FTO: variants seen among roughly 807,000 people sequenced by gnomAD.
The protein encoded by FTO is FTO alpha-ketoglutarate dependent dioxygenase, also known as alpha-ketoglutarate-dependent dioxygenase FTO.
A neutral mutation model predicts 63.9 loss-of-function variants in FTO; 47 were observed. The ratio of observed to expected loss-of-function variants is 0.74; its 90% CI spans 0.58 to 0.94. The LOEUF (loss-of-function observed/expected upper bound fraction) is 0.94, where lower values mean the gene tolerates loss of function less well. Among genes scored for constraint, FTO ranks in the 40% least tolerant of loss-of-function variants. The pLI is 0.00. For missense variants in FTO, 562 were observed against 618.1 expected, an observed-to-expected ratio of 0.91 and a Z score of 0.96; for synonymous variants, 207 against 224.4, an observed-to-expected ratio of 0.92 and a Z score of 0.69.
intron 8 of FTO, among the ~76,000 whole-genome samples, chr16:53,989,948 G>A (rs1313230686): frequency 3.9e-5 from 6 of 151,972 alleles, no homozygotes; most frequent in South Asian, 2.1e-4. Context: ...TCTCTTCTTC[G>A]TGATTTTCTT....
At chr16:54,055,213 G>T (rs147284101) in intron 8 of FTO, among the ~76,000 whole-genome samples, 1 of 152,200 alleles carries the variant, frequency 6.6e-6, no homozygotes, top group African/African-American at 2.4e-5. Flanking sequence ...GTCTTGCTCT[G>T]TTTGGAGTAG....
chr16:53,820,748 G>A (rs1403966345), intron 2 of FTO, among the ~76,000 whole-genome samples: 7 of 151,580 alleles, frequency 4.6e-5, no homozygotes, highest in Non-Finnish European at 8.8e-5. Context: ...TTGTTCTTGC[G>A]ATAGTTTACT....
At chr16:53,749,567 TAG>T (rs1449935715) in intron 1 of FTO, among the ~76,000 whole-genome samples, 1 of 151,620 alleles carries the variant, frequency 6.6e-6, no homozygotes, top group African/African-American at 2.4e-5. Context: ...GCCTCCCGAG[TAG>T]CTGGGACTAC....
At chr16:54,096,683 A>G (rs916350973) in intron 8 of FTO, among the ~76,000 whole-genome samples, 1 of 152,216 alleles carries the variant, frequency 6.6e-6, no homozygotes, top group Non-Finnish European at 1.5e-5. Flanking sequence ...TTTAGTTGAA[A>G]AGTGTTGGAC....
At chr16:53,861,816 A>G (rs1331544008) in intron 4 of FTO, among the ~76,000 whole-genome samples, 1 of 152,162 alleles carries the variant, frequency 6.6e-6, no homozygotes, top group Non-Finnish European at 1.5e-5. Context: ...TTCTAATAAT[A>G]TTTATGAAGA....
intron 1 of FTO, among the ~76,000 whole-genome samples, chr16:53,709,681 A>G (rs776975110): frequency 2.0e-5 from 3 of 152,114 alleles, no homozygotes; most frequent in East Asian, 1.9e-4. Context: ...CAAGAGTAGA[A>G]CCTAGAGCTC....
chr16:54,016,152 G>A (rs2084441312), intron 8 of FTO, among the ~76,000 whole-genome samples: 3 of 152,080 alleles, frequency 2.0e-5, no homozygotes. Context: ...CTTCCCAAAT[G>A]TTAGCAGAAC....
At chr16:54,101,426 A>T (rs1294113054) in intron 8 of FTO, among the ~76,000 whole-genome samples, 1 of 152,178 alleles carries the variant, frequency 6.6e-6, no homozygotes, top group Non-Finnish European at 1.5e-5. Context: ...CTCCAGCTCC[A>T]TCCACGTTCC....
At chr16:53,809,109 A>T (rs917543697) in intron 1 of FTO, among the ~76,000 whole-genome samples, 1 of 152,250 alleles carries the variant, frequency 6.6e-6, no homozygotes, top group Non-Finnish European at 1.5e-5. Flanking sequence ...AAGATACTTT[A>T]TAATATGAGA....
At chr16:53,990,680 A>ATTTTG (rs1273899049) in intron 8 of FTO, among the ~76,000 whole-genome samples, 3 of 142,490 alleles carry the variant, frequency 2.1e-5, no homozygotes, top group Non-Finnish European at 4.8e-5. Context: ...ATTTTATTTT[A>ATTTTG]TTTTTGAGAC....
chr16:54,093,275 A>G (rs1484778156), intron 8 of FTO, among the ~76,000 whole-genome samples: 4 of 152,202 alleles, frequency 2.6e-5, no homozygotes, highest in African/African-American at 4.8e-5. Flanking sequence ...CAAGTTCTCC[A>G]AGTCTCACAG....
At chr16:53,878,346 TGAGTG>T (rs1423808935) in intron 5 of FTO, among the ~76,000 whole-genome samples, 1 of 151,936 alleles carries the variant, frequency 6.6e-6, no homozygotes, top group Non-Finnish European at 1.5e-5. Flanking sequence ...GGGACAAAAA[TGAGTG>T]GTCATTCACC....
At chr16:54,071,779 AT>A (rs2085878027) in intron 8 of FTO, 1 of 152,176 alleles carries the variant, frequency 6.6e-6, no homozygotes, top group Non-Finnish European at 1.5e-5. Flanking sequence ...GGAATCAAAA[AT>A]ATTGATGTAA....
intron 4 of FTO, among the ~76,000 whole-genome samples, chr16:53,852,101 C>CAAA (rs57004473): frequency 9.2e-5 from 5 of 54,442 alleles, no homozygotes; most frequent in African/African-American, 1.2e-4. Context: ...ACAAAAAATA[C>CAAA]AAAAAAAAAA....
chr16:53,770,127 C>T (rs540607682), intron 1 of FTO, among the ~76,000 whole-genome samples: 1 of 152,198 alleles, frequency 6.6e-6, no homozygotes, highest in East Asian at 1.9e-4. Flanking sequence ...AAACTCCAGA[C>T]ATAAAATTGC....
chr16:53,880,146 G>A (rs1053541131), intron 6 of FTO, among the ~76,000 whole-genome samples, 159 bp downstream of exon 6: 1 of 151,952 alleles, frequency 6.6e-6, no homozygotes, highest in Non-Finnish European at 1.5e-5. Context: ...AGGTGCATGC[G>A]CCACCACTCC....
chr16:53,992,113 T>C (rs1217155080), intron 8 of FTO: 1 of 151,920 alleles, frequency 6.6e-6, no homozygotes, highest in Non-Finnish European at 1.5e-5. Flanking sequence ...TCTTCTTGTT[T>C]TCTGTCCTCC....
In FTO at chr16:53,810,178, C is replaced by A. The variant is rs754399299; in HGVS notation, c.84C>A (p.Leu28=). ...RLLEELEDTW[L]PYLTPKDDEF... ...TTGAAGAGCTTGAAGACACTTGGCT[C>A]CCTTATCTGACCCCCAAAGATGATG... Residue 28 remains leucine (L), a synonymous_variant, in exon 2 of 9, where the codon CTC becomes CTA. Transcript: ENST00000471389. 5.6e-6 allele frequency: 9 copies of A among 1,611,546 alleles called. No individual in the cohort carries two copies. The African/African-American group carries it at 1.2e-4, about 22-fold the overall frequency.
At chr16:53,930,340 C>T (rs1050731488) in intron 7 of FTO, among the ~76,000 whole-genome samples, 2 of 148,064 alleles carry the variant, frequency 1.4e-5, no homozygotes, top group East Asian at 2.0e-4. Flanking sequence ...TCTCCTGCCT[C>T]AGCCTCCTGA....
Sources: gnomAD v4.1 joint callset for allele counts (sites outside exome capture counted in the v4.1 genomes callset) on GRCh38, gnomAD v4.1.1 for gene constraint, MANE v1.5 for transcripts, NCBI Gene and HGNC (gene_info 2026-07-23, HGNC 2026-07-21) for gene names.